Variants in TRIP6 observed in about 807,000 individuals in gnomAD.
TRIP6 encodes the protein thyroid receptor-interacting protein 6.
Under a neutral mutation model 51.9 loss-of-function variants are expected in TRIP6, and 33 were observed. The ratio of observed to expected loss-of-function variants is 0.64; its 90% CI spans 0.48 to 0.85. TRIP6 has a LOEUF of 0.85. Among genes scored for constraint, TRIP6 ranks in the 40% least tolerant of loss-of-function variants. The pLI, the probability that TRIP6 is intolerant of heterozygous loss-of-function variation, is 0.00. For missense variants in TRIP6, 661 were observed against 652.1 expected, an observed-to-expected ratio of 1.01 and a Z score of -0.15; for synonymous variants, 255 against 275.8, an observed-to-expected ratio of 0.92 and a Z score of 0.75.
rs1815205912 is a variant in TRIP6 at position 100,868,759 on chromosome 7, G to T, written c.628G>T (p.Gly210Trp). 2 of 1,546,306 alleles carry T rather than the reference G, an allele frequency of 1.3e-6. No individual in the cohort carries two copies. Among genetic ancestry groups the T allele is most frequent in the Non-Finnish European group, 1.7e-6 (2 of 1,150,438 alleles). ...FPLPGRGEVW[G>W]PGYRSQREPG... ...TCTCCCAGGCCGAGGTGAAGTCTGG[G>T]GGCCTGGCTATAGGAGCCAGAGAGA... The change falls in exon 4 of 9, where the codon GGG becomes TGG. Residue 210 changes from glycine (G) to tryptophan (W), a missense_variant. Transcript: ENST00000200457.
chr7:100,873,436 C>T lies in TRIP6; in HGVS notation c.*133C>T, dbSNP rs1456129544. On this transcript the variant is annotated 3_prime_UTR_variant, in exon 9 of 9. Transcript: ENST00000200457. ...CTTTCTCCAATCAAGAAATAATAAT[C>T]CCTCGAGTTTACAAAACACTTCCAA... 3 of 1,352,662 alleles carry T rather than the reference C, an allele frequency of 2.2e-6. No individual in the cohort carries two copies. In the African/African-American group the frequency reaches 4.4e-5, roughly 20 times the overall value. 83.8% of individuals were successfully genotyped at this position (1,352,662 alleles called of 1,614,324 possible).
chr7:100,871,587 C>CCGGA lies in TRIP6; in HGVS notation c.1045_1048dup (p.Ile350ThrfsTer41). 6.2e-7 allele frequency: 1 copy of CCGGA among 1,614,096 alleles called. No individual in the cohort carries two copies. The highest frequency in any genetic ancestry group is 2.2e-5 in the East Asian group (1 of 44,888). On this transcript the variant is annotated frameshift_variant, in exon 7 of 9. Coordinates refer to ENST00000200457, the MANE Select transcript of TRIP6 (RefSeq NM_003302.3). LOFTEE classifies it high-confidence loss of function. ...CCACGTGCTCCCAGCCCATCCTGGA[C>CCGGA]CGGATCCTGCGGGCTATGGGGAAGG...
chr7:100,872,657 G>T lies in TRIP6; in HGVS notation c.1212G>T (p.Gly404=). Residue 404 remains glycine, a synonymous_variant, in exon 8 of 9, where the codon GGG becomes GGT. Transcript: ENST00000200457. ...CCCCAAGATGCTCAGTGTGCGGTGG[G>T]GCCATAATGCCTGAGCCAGGTCAGG... ...KFAPRCSVCG[G]AIMPEPGQEE... is the part of the protein sequence containing the mutation. 2.5e-6 allele frequency: 4 copies of T among 1,614,044 alleles called. No individual in the cohort carries two copies. The highest frequency in any genetic ancestry group is 3.4e-6 in the Non-Finnish European group (4 of 1,179,992).
At chr7:100,872,270 C>T (rs1285802268) in intron 7 of TRIP6, among the ~76,000 whole-genome samples, 3 of 147,492 alleles carry the variant, frequency 2.0e-5, no homozygotes, top group Admixed American at 7.2e-5. Flanking sequence ...TGAGCTCAAG[C>T]GATCCACCTG....
Position 100,867,934 on chromosome 7 carries a change from G to A in TRIP6, c.183G>A (p.Pro61=), listed in dbSNP as rs761180545. ...AGTGTTACCAGGCCCCAGGGGGACC[G>A]GAGGATCGGGGGCCGGCGTGGGTGG... ...SEQCYQAPGG[P]EDRGPAWVGS... Residue 61 remains proline (P), a synonymous_variant, in exon 2 of 9, where the codon CCG becomes CCA. Coordinates refer to ENST00000200457, the MANE Select transcript of TRIP6 (RefSeq NM_003302.3). The surrounding 1 kb of genome is among the most constrained non-coding windows in gnomAD (Gnocchi z 5.4). 6 of 1,515,796 alleles carry A rather than the reference G, an allele frequency of 4.0e-6. No individual in the cohort carries two copies. The highest frequency in any genetic ancestry group is 1.3e-5 in the South Asian group (1 of 74,550). 93.9% of individuals were successfully genotyped at this position (1,515,796 alleles called of 1,614,324 possible). A position where few individuals can be genotyped will look rare whatever the true frequency, so the allele number is the denominator to read the frequency against.
Position 100,873,367 on chromosome 7 carries a change from C to T in TRIP6, c.*64C>T. 1 of 1,546,978 alleles carries T rather than the reference C, an allele frequency of 6.5e-7. No individual in the cohort carries two copies. Among genetic ancestry groups the T allele is most frequent in the Non-Finnish European group, 8.7e-7 (1 of 1,143,086 alleles). On this transcript the variant is annotated 3_prime_UTR_variant, in exon 9 of 9. Coordinates refer to ENST00000200457, the MANE Select transcript of TRIP6 (RefSeq NM_003302.3). ...TCCCATCCTTTGATTGATCACTCTC[C>T]CTGACATCCACCTGTATGACTTTGT... is the stretch of plus-strand genomic sequence containing the variant.
In TRIP6 at chr7:100,868,220, G is replaced by A. The variant is rs145607668; in HGVS notation, c.350G>A (p.Arg117Gln). ...LNGGRGHASR[R>Q]PDRQAYEPPP... is the part of the protein sequence containing the mutation. ...GGGGGTCGGGGTCATGCGTCACGGC[G>A]ACCAGACCGACAGGTGACTCTGCCC... Residue 117 changes from arginine to glutamine, a missense_variant, in exon 3 of 9, where the codon CGA becomes CAA. Physicochemically the swap from Arg to Gln is conservative, Grantham distance 43. Transcript: ENST00000200457. 1,097 of 1,608,126 alleles carry A rather than the reference G, an allele frequency of 6.8e-4. 9 individuals carry two copies. In the African/African-American group the frequency reaches 0.012, roughly 18 times the overall value.
At position 100,868,107 on chromosome 7, in the gene TRIP6, G is replaced by C. The variant is rs1815184041; in HGVS notation, c.238-1G>C. ...TCTTCCTGCCCTGGCTCCATCCTCA[G>C]GGGCTCCCTGCAGACAGGGGGGGCC... On this transcript the variant is annotated splice_acceptor_variant, in intron 2 of 8. Coordinates refer to ENST00000200457, the MANE Select transcript of TRIP6 (RefSeq NM_003302.3). LOFTEE classifies it high-confidence loss of function. 1.9e-6 allele frequency: 3 copies of C among 1,612,874 alleles called. No individual in the cohort carries two copies. The highest frequency in any genetic ancestry group is 2.5e-6 in the Non-Finnish European group (3 of 1,179,714).
chr7:100,867,649 C>T lies in TRIP6; in HGVS notation c.109+43C>T, dbSNP rs978199249. 6.4e-7 allele frequency: 1 copy of T among 1,554,610 alleles called. No homozygotes were observed. The highest frequency in any genetic ancestry group is 1.1e-5 in the South Asian group (1 of 87,562). On this transcript the variant is annotated intron_variant, in intron 1 of 8. Coordinates refer to ENST00000200457, the MANE Select transcript of TRIP6 (RefSeq NM_003302.3). The surrounding 1 kb of genome is among the most constrained non-coding windows in gnomAD (Gnocchi z 5.4). Reference sequence around the variant, plus strand: ...AGACAGAAGAGCCACCCAGCTGTGGCGCTCACCTCTGTCCTACCGCTCCAG... The same window carrying T: ...AGACAGAAGAGCCACCCAGCTGTGGTGCTCACCTCTGTCCTACCGCTCCAG...
intron 3 of TRIP6, 124 bp from the exon 4 acceptor site, chr7:100,868,371 C>G: frequency 6.3e-7 from 1 of 1,577,442 alleles, no homozygotes; most frequent in Non-Finnish European, 8.6e-7. Context: ...ATGTCAGCCA[C>G]TTGAGGACGG....
At position 100,871,698 on chromosome 7, in the gene TRIP6, C is replaced by T; in HGVS notation, c.1155C>T (p.Ile385=). 1.2e-6 allele frequency: 2 copies of T among 1,614,098 alleles called. No individual in the cohort carries two copies. The highest frequency in any genetic ancestry group is 1.7e-6 in the Non-Finnish European group (2 of 1,180,042). The change falls in exon 7 of 9, where the codon ATC becomes ATT. Residue 385 remains isoleucine, a synonymous_variant. Coordinates refer to ENST00000200457, the MANE Select transcript of TRIP6 (RefSeq NM_003302.3). ...IPFTVDATSQ[I]HCIEDFHRKF... ...TCACAGTGGATGCTACGAGCCAGAT[C>T]CACTGCATTGAGGACTTTCACAGGT...
intron 8 of TRIP6, 101 bp downstream of exon 8, chr7:100,872,845 C>CT: frequency 7.0e-7 from 1 of 1,421,200 alleles, no homozygotes; most frequent in Non-Finnish European, 9.4e-7. Flanking sequence ...AAACCTGTTG[C>CT]TTCTTTCTTT....
Position 100,873,397 on chromosome 7 carries a change from A to C in TRIP6, c.*94A>C. On this transcript the variant is annotated 3_prime_UTR_variant, in exon 9 of 9. Transcript: ENST00000200457. ...CATCCACCTGTATGACTTTGTCACC[A>C]AATGCTGTCTTCTCTTTCTCCAATC... 6.8e-7 allele frequency: 1 copy of C among 1,476,788 alleles called. No individual in the cohort carries two copies. The highest frequency in any genetic ancestry group is 9.0e-7 in the Non-Finnish European group (1 of 1,109,906). 91.5% of individuals were successfully genotyped at this position (1,476,788 alleles called of 1,614,324 possible). A position where few individuals can be genotyped will look rare whatever the true frequency, so the allele number is the denominator to read the frequency against.
At position 100,867,514 on chromosome 7, in the gene TRIP6, G is replaced by A. The variant is rs762938136; in HGVS notation, c.17G>A (p.Trp6Ter). 9.9e-5 allele frequency: 149 copies of A among 1,504,480 alleles called. No individual in the cohort carries two copies. The highest frequency in any genetic ancestry group is 2.1e-5 in the Non-Finnish European group (24 of 1,128,378). 93.2% of individuals were successfully genotyped at this position (1,504,480 alleles called of 1,614,324 possible). A position where few individuals can be genotyped will look rare whatever the true frequency, so the allele number is the denominator to read the frequency against. The change falls in exon 1 of 9, where the codon TGG becomes TAG. Residue 6 changes from tryptophan to a stop codon, truncating the protein, a stop_gained. Transcript: ENST00000200457. LOFTEE classifies it high-confidence loss of function. This position sits in a 1 kb window ranked among gnomAD's most constrained non-coding sequence, Gnocchi z 5.4. The part of the protein sequence containing the change: MSGPT[W>*]LPPKQPEPAR... The stretch of plus-strand genomic sequence containing the variant: ...TTCCAGGCCATGTCGGGGCCCACCT[G>A]GCTGCCCCCGAAGCAGCCGGAGCCC...
In TRIP6 at chr7:100,870,441, C is replaced by T. The variant is rs1166098266; in HGVS notation, c.807C>T (p.His269=). Residue 269 remains histidine (H), a synonymous_variant, in exon 5 of 9, where the codon CAC becomes CAT. Coordinates refer to ENST00000200457, the MANE Select transcript of TRIP6 (RefSeq NM_003302.3). ...AGAAGCTGGTTCACGACATGAACCA[C>T]CCGCCCAGCGGGGAGTACTTTGGTG... ...LTKKLVHDMN[H]PPSGEYFGQC... The T allele has an allele frequency of 3.7e-6, 6 of 1,613,560 alleles. No homozygotes were observed. The South Asian group carries it at 5.5e-5, about 15-fold the overall frequency.
Position 100,871,667 on chromosome 7 carries a change from T to C in TRIP6, c.1124T>C (p.Ile375Thr), listed in dbSNP as rs755271697. The change falls in exon 7 of 9, where the codon ATC becomes ACC. Residue 375 changes from isoleucine to threonine, a missense_variant. Transcript: ENST00000200457. ...GTGTGTCACCGCGGCCTCGACGGCATCCCCTTCACAGTGGATGCTACGAGC... is the reference window on the plus strand; with the variant it reads ...GTGTGTCACCGCGGCCTCGACGGCACCCCCTTCACAGTGGATGCTACGAGC... ...CVVCHRGLDG[I>T]PFTVDATSQI... 6.2e-7 allele frequency: 1 copy of C among 1,614,060 alleles called. No individual in the cohort carries two copies. The highest frequency in any genetic ancestry group is 8.5e-7 in the Non-Finnish European group (1 of 1,180,028).
intron 6 of TRIP6, chr7:100,870,944 C>G (rs892350960): frequency 1.4e-6 from 1 of 735,578 alleles, no homozygotes; most frequent in Non-Finnish European, 2.3e-6. Flanking sequence ...GGACGCAGCT[C>G]TTACAAGTGT....
chr7:100,871,374 A>G (rs1815264346), intron 6 of TRIP6, among the ~76,000 whole-genome samples, 169 bp from the exon 7 acceptor site: 1 of 152,186 alleles, frequency 6.6e-6, no homozygotes, highest in Admixed American at 6.5e-5. Context: ...TACCGTGTAT[A>G]GTGCTGGGAC....
Position 100,868,839 on chromosome 7 carries a change from A to C in TRIP6, c.708A>C (p.Arg236Ser), listed in dbSNP as rs565995134. 498 of 1,515,394 alleles carry C rather than the reference A, an allele frequency of 3.3e-4. 7 individuals carry two copies. In the South Asian group the frequency reaches 6.2e-3, roughly 19 times the overall value. The allele number at this position is 1,515,394 out of a possible 1,614,324, so 93.9% of individuals were successfully genotyped here. Residue 236 changes from arginine (R) to serine (S), a missense_variant, in exon 4 of 9, where the codon AGA becomes AGC. Transcript: ENST00000200457. Reference sequence around the variant, plus strand: ...CTGGGGTCTCTGGCCCTGCAGGAAGAGGAAGAGGAGGCGAGCACGGGCCCC... The same window carrying C: ...CTGGGGTCTCTGGCCCTGCAGGAAGCGGAAGAGGAGGCGAGCACGGGCCCC... ...EAAGVSGPAG[R>S]GRGGEHGPQV...
Sources: allele counts gnomAD v4.1 joint callset (sites outside exome capture counted in the v4.1 genomes callset), GRCh38; gene constraint gnomAD v4.1.1; non-coding constraint Gnocchi (gnomAD v3.1); transcripts MANE v1.5; gene names NCBI Gene and HGNC (gene_info 2026-07-23, HGNC 2026-07-21).